The following CTNNA3 variants were observed in gnomAD, a reference collection of about 807,000 sequenced individuals.
The protein encoded by CTNNA3 is catenin alpha 3, also known as catenin alpha-3.
Under a neutral mutation model 95.7 loss-of-function variants are expected in CTNNA3, and 76 were observed. That is an observed-to-expected ratio of 0.79 (90% CI 0.66 to 0.96). CTNNA3 has a LOEUF of 0.96. Among genes scored for constraint, CTNNA3 ranks in the 40% least tolerant of loss-of-function variants. CTNNA3 has a pLI of 0.00. For missense variants in CTNNA3, 1,191 were observed against 1,089.8 expected, an observed-to-expected ratio of 1.09 and a Z score of -1.31; for synonymous variants, 431 against 374.4, an observed-to-expected ratio of 1.15 and a Z score of -1.74.
rs149582201 is a variant in CTNNA3 at position 65,921,629 on chromosome 10, C to T, written c.2401-1012G>A. Among the ~76,000 whole-genome samples the T allele has an allele frequency of 3.6e-4, 54 of 151,872 alleles. No homozygotes were observed. The East Asian group carries it at 9.5e-3, about 27-fold the overall frequency. ...CACTGGTGTGGATCTCACTTTCTTG[C>T]ACCTGGTCTGTCACCTGGGAAAGCA... On this transcript the variant is annotated intron_variant, in intron 17 of 17. Coordinates refer to ENST00000433211, the MANE Select transcript of CTNNA3 (RefSeq NM_013266.4).
intron 7 of CTNNA3, among the ~76,000 whole-genome samples, chr10:67,135,533 G>C (rs368498534): frequency 6.6e-6 from 1 of 151,958 alleles, no homozygotes; most frequent in African/African-American, 2.4e-5. Context: ...TAATTAAAGG[G>C]GTATGGTGGT....
intron 1 of CTNNA3, among the ~76,000 whole-genome samples, chr10:67,755,161 C>G (rs1841426204): frequency 6.6e-6 from 1 of 151,562 alleles, no homozygotes; most frequent in African/African-American, 2.4e-5. Context: ...CCACTGCACT[C>G]CAGCCTGGGT....
chr10:67,302,953 T>G (rs189558619), intron 5 of CTNNA3, among the ~76,000 whole-genome samples: 89 of 152,340 alleles, frequency 5.8e-4, no homozygotes, highest in African/African-American at 2.1e-3. Context: ...AAATGTGGTC[T>G]CTGAACCAGC....
intron 5 of CTNNA3, among the ~76,000 whole-genome samples, chr10:67,245,747 A>G (rs1479559014): frequency 1.3e-5 from 2 of 151,674 alleles, no homozygotes; most frequent in Admixed American, 1.3e-4. Context: ...AGTCCCAGCT[A>G]CTCAAGAGGC....
intron 14 of CTNNA3, among the ~76,000 whole-genome samples, chr10:66,083,034 A>AT (rs78959965): frequency 0.42 from 63,124 of 148,900 alleles, 13,317 homozygotes; most frequent in South Asian, 0.53. Flanking sequence ...GTCTAAAACT[A>AT]TTTTTTTTTC....
chr10:67,377,806 A>C (rs1006341055), intron 5 of CTNNA3, among the ~76,000 whole-genome samples: 3 of 152,162 alleles, frequency 2.0e-5, no homozygotes, highest in African/African-American at 7.2e-5. Flanking sequence ...TAGGAGTTTG[A>C]AACTACATAA....
chr10:66,840,548 A>C (rs1415870932), intron 7 of CTNNA3, among the ~76,000 whole-genome samples: 1 of 152,142 alleles, frequency 6.6e-6, no homozygotes, highest in East Asian at 1.9e-4. Flanking sequence ...TCAGAGAAAC[A>C]AAATGAAACC....
At chr10:67,482,691 C>T (rs990542677) in intron 5 of CTNNA3, among the ~76,000 whole-genome samples, 2 of 152,156 alleles carry the variant, frequency 1.3e-5, no homozygotes, top group African/African-American at 2.4e-5. Flanking sequence ...ATGTCATCTG[C>T]AAACAGGGAC....
intron 5 of CTNNA3, among the ~76,000 whole-genome samples, chr10:67,484,369 C>A (rs1848366750): frequency 6.6e-6 from 1 of 152,042 alleles, no homozygotes; most frequent in Non-Finnish European, 1.5e-5. Flanking sequence ...TATAGGATTT[C>A]CTAGGAAACA....
At chr10:67,322,308 G>C (rs757499007) in intron 5 of CTNNA3, among the ~76,000 whole-genome samples, 7 of 152,046 alleles carry the variant, frequency 4.6e-5, no homozygotes, top group African/African-American at 7.2e-5. Context: ...TTGTTGTAGA[G>C]ATTATTTCAT....
At chr10:67,290,112 T>C (rs1230664986) in intron 5 of CTNNA3, among the ~76,000 whole-genome samples, 1 of 152,196 alleles carries the variant, frequency 6.6e-6, no homozygotes, top group African/African-American at 2.4e-5. Flanking sequence ...CACCAAAGTC[T>C]TTAGAATCTC....
intron 7 of CTNNA3, among the ~76,000 whole-genome samples, chr10:66,930,768 G>A (rs1847336719): frequency 6.6e-6 from 1 of 152,074 alleles, no homozygotes. Context: ...TTTGAAAGCT[G>A]TCACTTTTTA....
At chr10:67,320,339 G>A (rs925503153) in intron 5 of CTNNA3, among the ~76,000 whole-genome samples, 1 of 152,156 alleles carries the variant, frequency 6.6e-6, no homozygotes, top group African/African-American at 2.4e-5. Context: ...ACATATGAGG[G>A]AGGGGAGAGG....
At chr10:67,326,412 G>A (rs1380856215) in intron 5 of CTNNA3, among the ~76,000 whole-genome samples, 1 of 151,508 alleles carries the variant, frequency 6.6e-6, no homozygotes, top group Admixed American at 6.6e-5. Flanking sequence ...TTCTTGTAAA[G>A]TAGTTGATGG....
At chr10:67,404,214 T>C (rs1845044265) in intron 5 of CTNNA3, among the ~76,000 whole-genome samples, 1 of 151,916 alleles carries the variant, frequency 6.6e-6, no homozygotes, top group Admixed American at 6.6e-5. Context: ...ATGGCTGAGA[T>C]GATAGAAATA....
At chr10:66,942,538 T>C (rs1467637206) in intron 7 of CTNNA3, among the ~76,000 whole-genome samples, 1 of 150,086 alleles carries the variant, frequency 6.7e-6, no homozygotes, top group African/African-American at 2.5e-5. Context: ...CTTTAAAACA[T>C]TGCCATAATG....
At chr10:66,171,682 G>T (rs1037625465) in intron 13 of CTNNA3, among the ~76,000 whole-genome samples, 1 of 152,088 alleles carries the variant, frequency 6.6e-6, no homozygotes, top group South Asian at 2.1e-4. Context: ...GCTCATCCAG[G>T]TTTGGACTAG....
At chr10:66,965,314 A>G (rs1849340498) in intron 7 of CTNNA3, among the ~76,000 whole-genome samples, 1 of 151,978 alleles carries the variant, frequency 6.6e-6, no homozygotes, top group African/African-American at 2.4e-5. Context: ...AGGCAGGTGG[A>G]TCATGAGGTC....
At chr10:67,074,342 C>CTTTTT (rs36186252) in intron 7 of CTNNA3, among the ~76,000 whole-genome samples, 5 of 68,726 alleles carry the variant, frequency 7.3e-5, no homozygotes, top group African/African-American at 2.8e-4. Flanking sequence ...CACTTTAACT[C>CTTTTT]TTTTTTTTTT....
Sources: allele counts gnomAD v4.1 joint callset (sites outside exome capture counted in the v4.1 genomes callset), GRCh38; gene constraint gnomAD v4.1.1; transcripts MANE v1.5; gene names NCBI Gene and HGNC (gene_info 2026-07-23, HGNC 2026-07-21).